Variants in ZBTB38 observed in about 807,000 individuals in gnomAD.
ZBTB38 encodes zinc finger and BTB domain-containing protein 38.
Under a neutral mutation model 76.8 loss-of-function variants are expected in ZBTB38, and 20 were observed. That is an observed-to-expected ratio of 0.26 (90% CI 0.18 to 0.38). ZBTB38 has a LOEUF of 0.38. ZBTB38 is among the 10% of genes least tolerant of loss of function. The probability of loss-of-function intolerance (pLI) is 1.00; values close to 1 mark genes in which losing one functional copy is unlikely to be tolerated. For missense variants in ZBTB38, 1,082 were observed against 1,482.3 expected, an observed-to-expected ratio of 0.73 and a Z score of 4.43; for synonymous variants, 504 against 544.2, an observed-to-expected ratio of 0.93 and a Z score of 1.03.
At chr3:141,379,975 A>G (rs1471039619) in intron 2 of ZBTB38, among the ~76,000 whole-genome samples, 4 of 152,252 alleles carry the variant, frequency 2.6e-5, no homozygotes, top group Non-Finnish European at 4.4e-5. Context: ...TAAACCCTCC[A>G]TTCTGTCATT....
rs551170485 is a variant in ZBTB38, at chr3:141,428,633, G to A, written c.1-13756G>A. Among the ~76,000 whole-genome samples the A allele has an allele frequency of 5.3e-5, 8 of 152,128 alleles. No homozygotes were observed. The South Asian group carries it at 1.0e-3, about 20-fold the overall frequency. ...CTCCCGAGTAGCTGGGATTACAGGC[G>A]CCTGCTAATATTTTGTATTTTTAGT... On this transcript the variant is annotated intron_variant, in intron 5 of 5. Transcript: ENST00000321464.
chr3:141,439,171 T>C (rs1383116050), intron 5 of ZBTB38, among the ~76,000 whole-genome samples: 1 of 152,208 alleles, frequency 6.6e-6, no homozygotes, highest in Non-Finnish European at 1.5e-5. Context: ...CCCTAGACTC[T>C]GGGCTCCTTG....
At position 141,443,079 on chromosome 3, in the gene ZBTB38, G is replaced by T; in HGVS notation, c.691G>T (p.Ala231Ser). ...ATACGCTGTTTCTTCCGTAGCTGAA[G>T]CTTACAGAAGTCAGCCTGTACGTGA... is the stretch of plus-strand genomic sequence containing the variant. Reference protein sequence around the residue: ...HSYAVSSVAEAYRSQPVREHD... With the variant: ...HSYAVSSVAESYRSQPVREHD... The change falls in exon 6 of 6, where the codon GCT (alanine) becomes TCT (serine). Residue 231 changes from alanine (A) to serine (S), a missense_variant. Ala to Ser is a moderately conservative substitution (Grantham distance 99). This residue lies in a region of ZBTB38 where 324 missense variants were observed against 359.1 expected (regional missense o/e 0.90). Transcript: ENST00000321464. This position sits in a 1 kb window ranked among gnomAD's most constrained non-coding sequence, Gnocchi z 5.6. 1 of 1,614,234 alleles carries T rather than the reference G, an allele frequency of 6.2e-7. No individual in the cohort carries two copies. Among genetic ancestry groups the T allele is most frequent in the South Asian group, 1.1e-5 (1 of 91,088 alleles).
At chr3:141,408,633 A>G (rs1955522873) in intron 5 of ZBTB38, among the ~76,000 whole-genome samples, 1 of 152,260 alleles carries the variant, frequency 6.6e-6, no homozygotes, top group African/African-American at 2.4e-5. Context: ...GGATTGAGAT[A>G]TATAGACATG....
intron 5 of ZBTB38, among the ~76,000 whole-genome samples, chr3:141,438,750 C>A (rs995202811): frequency 1.3e-5 from 2 of 152,096 alleles, no homozygotes; most frequent in Admixed American, 6.5e-5. Flanking sequence ...CTATTCCCTG[C>A]AATATAAAAT....
intron 2 of ZBTB38, among the ~76,000 whole-genome samples, chr3:141,375,098 A>G (rs569419847): frequency 6.6e-6 from 1 of 152,360 alleles, no homozygotes; most frequent in South Asian, 2.1e-4. Context: ...GACAAAAAAA[A>G]TTAGGAAACT....
chr3:141,391,042 C>G, intron 4 of ZBTB38, among the ~76,000 whole-genome samples: 1 of 151,986 alleles, frequency 6.6e-6, no homozygotes, highest in East Asian at 1.9e-4. Flanking sequence ...CACCTGTAGT[C>G]CTAGCTATGC....
intron 5 of ZBTB38, among the ~76,000 whole-genome samples, chr3:141,431,054 G>A (rs1464100831): frequency 6.6e-6 from 1 of 151,984 alleles, no homozygotes; most frequent in Non-Finnish European, 1.5e-5. Context: ...CAGGCACGGT[G>A]GCTCACACCT....
At chr3:141,378,235 G>A (rs931241984) in intron 2 of ZBTB38, among the ~76,000 whole-genome samples, 9 of 151,974 alleles carry the variant, frequency 5.9e-5, no homozygotes, top group African/African-American at 2.2e-4. Context: ...TGGTTGTCAG[G>A]ATGGGTGTGA....
At chr3:141,390,895 C>G (rs1340515375) in intron 4 of ZBTB38, among the ~76,000 whole-genome samples, 1 of 152,158 alleles carries the variant, frequency 6.6e-6, no homozygotes, top group Non-Finnish European at 1.5e-5. Flanking sequence ...TGGCTCATGC[C>G]TGTAACCCCA....
At chr3:141,340,949 G>GTAAA in intron 1 of ZBTB38, among the ~76,000 whole-genome samples, 1 of 112,000 alleles carries the variant, frequency 8.9e-6, no homozygotes, top group Admixed American at 9.2e-5. Flanking sequence ...AAAGAAAGAA[G>GTAAA]GAAAGAAAGA....
At position 141,443,948 on chromosome 3, in the gene ZBTB38, C is replaced by G; in HGVS notation, c.1560C>G (p.Phe520Leu). The change falls in exon 6 of 6, where the codon TTC becomes TTG. Residue 520 changes from phenylalanine (F) to leucine (L), a missense_variant. Phe to Leu is a conservative substitution (Grantham distance 22, BLOSUM62 0). Around this residue, in one of 8 missense-constraint regions of ZBTB38, gnomAD observed 60 missense variants for 126.0 expected, o/e 0.48. Transcript: ENST00000321464. The surrounding 1 kb of genome is among the most constrained non-coding windows in gnomAD (Gnocchi z 5.6). Reference protein sequence around the residue: ...HTGERRYQCIFCLETFMTYYI... With the variant: ...HTGERRYQCILCLETFMTYYI... The stretch of plus-strand genomic sequence containing the variant: ...GAGAAAGACGATATCAGTGCATTTT[C>G]TGTCTTGAAACTTTCATGACCTACT... 1.2e-6 allele frequency: 2 copies of G among 1,614,192 alleles called. No homozygotes were observed. The highest frequency in any genetic ancestry group is 1.7e-6 in the Non-Finnish European group (2 of 1,180,028).
intron 1 of ZBTB38, among the ~76,000 whole-genome samples, chr3:141,349,060 G>A (rs188063837): frequency 5.9e-4 from 90 of 152,288 alleles, no homozygotes; most frequent in African/African-American, 2.1e-3. Flanking sequence ...AAATCACCAT[G>A]ATTCATGAAA....
intron 1 of ZBTB38, among the ~76,000 whole-genome samples, chr3:141,334,771 G>A (rs1942969722): frequency 6.6e-6 from 1 of 152,144 alleles, no homozygotes; most frequent in Non-Finnish European, 1.5e-5. Flanking sequence ...TTAACGAGTT[G>A]ATTCTAACCC....
chr3:141,449,104 A>G lies in ZBTB38; in HGVS notation c.*3128A>G, dbSNP rs909225768. The G allele has an allele frequency of 3.9e-5, 6 of 152,238 alleles. No homozygotes were observed. Among genetic ancestry groups the G allele is most frequent in the African/African-American group, 1.2e-4 (5 of 41,442 alleles). 9.4% of individuals were successfully genotyped at this position (152,238 alleles called of 1,614,324 possible). On this transcript the variant is annotated 3_prime_UTR_variant, in exon 6 of 6. Coordinates refer to ENST00000321464, the MANE Select transcript of ZBTB38 (RefSeq NM_001376113.1). ...AATTCGACCTCATTATCCTCGTTTT[A>G]TAGTGACTTTGAGAAGGTCTCACAA... is the stretch of plus-strand genomic sequence containing the variant.
intron 1 of ZBTB38, among the ~76,000 whole-genome samples, chr3:141,340,937 GA>G (rs1441715774): frequency 2.3e-5 from 1 of 44,120 alleles, no homozygotes; most frequent in Non-Finnish European, 4.4e-5. Flanking sequence ...AAAAAGAAAA[GA>G]AAAGAAAGAA....
chr3:141,393,701 G>C (rs1010100391), intron 4 of ZBTB38, among the ~76,000 whole-genome samples: 8 of 152,174 alleles, frequency 5.3e-5, no homozygotes, highest in Admixed American at 1.3e-4. Context: ...GAGGCAGCCA[G>C]GGGGACAAAA....
chr3:141,444,980 A>G lies in ZBTB38; in HGVS notation c.2592A>G (p.Arg864=). The change falls in exon 6 of 6, where the codon AGA becomes AGG. Residue 864 remains arginine, a synonymous_variant. Coordinates refer to ENST00000321464, the MANE Select transcript of ZBTB38 (RefSeq NM_001376113.1). The surrounding 1 kb of genome is among the most constrained non-coding windows in gnomAD (Gnocchi z 5.1). The part of the protein sequence containing the change: ...LGSKLFYKRG[R]RPKYQMQEEP... Reference sequence around the variant, plus strand: ...CTAAATTGTTTTATAAAAGAGGGAGAAGACCCAAGTATCAGATGCAGGAGG... The same window carrying G: ...CTAAATTGTTTTATAAAAGAGGGAGGAGACCCAAGTATCAGATGCAGGAGG... 3 of 1,614,202 alleles carry G rather than the reference A, an allele frequency of 1.9e-6. No homozygotes were observed. The highest frequency in any genetic ancestry group is 1.7e-6 in the Non-Finnish European group (2 of 1,180,034).
chr3:141,338,368 C>T (rs2148898275), intron 1 of ZBTB38, among the ~76,000 whole-genome samples: 2 of 152,298 alleles, frequency 1.3e-5, no homozygotes, highest in South Asian at 4.1e-4. Flanking sequence ...CAGCACCATT[C>T]ACAATAGCAA....
Sources: gnomAD v4.1 joint callset for allele counts (sites outside exome capture counted in the v4.1 genomes callset) on GRCh38, gnomAD v4.1.1 for gene constraint, gnomAD v4.1.1 regional missense constraint, Gnocchi (gnomAD v3.1) non-coding constraint, MANE v1.5 for transcripts, NCBI Gene and HGNC (gene_info 2026-07-23, HGNC 2026-07-21) for gene names.